ZC3H4: variants seen among roughly 807,000 people sequenced by gnomAD.
The protein encoded by ZC3H4 is zinc finger CCCH-type containing 4.
ZC3H4 carries 13 observed loss-of-function variants against 108.3 expected under a neutral mutation model. That is an observed-to-expected ratio of 0.12 (90% CI 0.08 to 0.19). The LOEUF (loss-of-function observed/expected upper bound fraction) is 0.19. Among genes scored for constraint, ZC3H4 ranks in the 10% least tolerant of loss-of-function variants. ZC3H4 has a pLI of 1.00. For missense variants in ZC3H4, 1,734 were observed against 1,838.8 expected, an observed-to-expected ratio of 0.94 and a Z score of 1.04; for synonymous variants, 917 against 749.6, an observed-to-expected ratio of 1.22 and a Z score of -3.65.
Position 47,100,940 on chromosome 19 carries a change from C to T in ZC3H4, c.162-6332G>A, listed in dbSNP as rs189158868. 5.4e-3 allele frequency among the ~76,000 whole-genome samples: 824 copies of T among 152,090 alleles called. 13 individuals carry two copies. Among genetic ancestry groups the T allele is most frequent in the African/African-American group, 0.019 (795 of 41,520 alleles). On this transcript the variant is annotated intron_variant, in intron 2 of 14. Coordinates refer to ENST00000253048, the MANE Select transcript of ZC3H4 (RefSeq NM_015168.2). ...CTCGAACTCCTGACCTCAGGTGATC[C>T]GCCTGCCTCAGCCTCCCAAAGTGCT...
intron 2 of ZC3H4, among the ~76,000 whole-genome samples, chr19:47,111,127 C>T (rs1335433169): frequency 6.6e-6 from 1 of 152,140 alleles, no homozygotes; most frequent in East Asian, 1.9e-4. Context: ...CTCTTCCCCT[C>T]TCCACCCCCA....
At position 47,069,047 on chromosome 19, in the gene ZC3H4, C is replaced by T. The variant is rs527790125; in HGVS notation, c.2398+45G>A. On this transcript the variant is annotated intron_variant, in intron 14 of 14. Coordinates refer to ENST00000253048, the MANE Select transcript of ZC3H4 (RefSeq NM_015168.2). ...ACCCCACCACCGCCGCTCCCCTGCA[C>T]AGCGGCCTGGGGCCTGTGCCCCGGC... 165 of 1,600,368 alleles carry T rather than the reference C, an allele frequency of 1.0e-4. No homozygotes were observed. The South Asian group carries it at 1.4e-3, about 14-fold the overall frequency.
chr19:47,092,748 T>A (rs1258244203), intron 4 of ZC3H4, among the ~76,000 whole-genome samples: 1 of 149,696 alleles, frequency 6.7e-6, no homozygotes, highest in Admixed American at 6.6e-5. Flanking sequence ...ACCAGAGAGG[T>A]GGAAGTTGCA....
In ZC3H4 at chr19:47,082,323, G is replaced by T. The variant is rs762374177; in HGVS notation, c.1219-28C>A. Reference sequence around the variant, plus strand: ...AGAAGAGAAGCAACAAAAACATAAGGTGGTGGCGTGGGAAGCTCTTGCTTA... The same window carrying T: ...AGAAGAGAAGCAACAAAAACATAAGTTGGTGGCGTGGGAAGCTCTTGCTTA... On this transcript the variant is annotated intron_variant, in intron 9 of 14. Coordinates refer to ENST00000253048, the MANE Select transcript of ZC3H4 (RefSeq NM_015168.2). The T allele has an allele frequency of 3.9e-6, 6 of 1,540,464 alleles. No individual in the cohort carries two copies. In the East Asian group the frequency reaches 1.1e-4, roughly 29 times the overall value.
At position 47,072,045 on chromosome 19, in the gene ZC3H4, G is replaced by T. The variant is rs1290429218; in HGVS notation, c.1879C>A (p.Pro627Thr). 9 of 1,586,074 alleles carry T rather than the reference G, an allele frequency of 5.7e-6. No homozygotes were observed. The highest frequency in any genetic ancestry group is 7.7e-6 in the Non-Finnish European group (9 of 1,165,950). Residue 627 changes from proline (P) to threonine (T), a missense_variant, in exon 13 of 15, where the codon CCA (proline) becomes ACA (threonine). Pro to Thr is a conservative substitution (Grantham distance 38). Coordinates refer to ENST00000253048, the MANE Select transcript of ZC3H4 (RefSeq NM_015168.2). The surrounding 1 kb of genome is among the most constrained non-coding windows in gnomAD (Gnocchi z 5.6). ...TCGGGGTGCATGTCAGGATGCATTGGACCGCCCATTGGCCCTGGGGGTCCC... is the reference window on the plus strand; with the variant it reads ...TCGGGGTGCATGTCAGGATGCATTGTACCGCCCATTGGCCCTGGGGGTCCC... The part of the protein sequence containing the change: ...NMGPPGPMGG[P>T]MHPDMHPDMH...
chr19:47,087,970 G>A (rs535169802), intron 5 of ZC3H4, among the ~76,000 whole-genome samples: 4 of 151,730 alleles, frequency 2.6e-5, no homozygotes, highest in South Asian at 2.1e-4. Flanking sequence ...TCAGGAGATC[G>A]AGACCATCCT....
At chr19:47,103,493 A>G (rs1245548173) in intron 2 of ZC3H4, among the ~76,000 whole-genome samples, 8 of 152,090 alleles carry the variant, frequency 5.3e-5, no homozygotes, top group African/African-American at 1.7e-4. Context: ...TTGTAGAGAC[A>G]GGGTTTCAGG....
intron 13 of ZC3H4, among the ~76,000 whole-genome samples, chr19:47,071,037 G>A (rs575277613): frequency 6.6e-6 from 1 of 152,180 alleles, no homozygotes; most frequent in Non-Finnish European, 1.5e-5. Context: ...TCCTCACGTT[G>A]TGAGTGCCGC....
intron 9 of ZC3H4, among the ~76,000 whole-genome samples, chr19:47,082,504 G>A (rs1438943994): frequency 6.6e-6 from 1 of 152,136 alleles, no homozygotes; most frequent in East Asian, 1.9e-4. Flanking sequence ...TGTAGAGACA[G>A]GTCTCACTAT....
intron 2 of ZC3H4, among the ~76,000 whole-genome samples, chr19:47,097,907 G>A (rs769855825): frequency 1.3e-5 from 2 of 152,132 alleles, no homozygotes; most frequent in Non-Finnish European, 2.9e-5. Flanking sequence ...GGCTGCACTC[G>A]GTCCGCTGCC....
intron 2 of ZC3H4, among the ~76,000 whole-genome samples, chr19:47,096,196 T>C (rs551527601): frequency 6.6e-6 from 1 of 152,290 alleles, no homozygotes; most frequent in East Asian, 1.9e-4. Flanking sequence ...GCCCCACAGA[T>C]ACCCCTGGGC....
intron 2 of ZC3H4, among the ~76,000 whole-genome samples, chr19:47,106,636 AC>A (rs1489962662): frequency 6.6e-6 from 1 of 152,184 alleles, no homozygotes; most frequent in Non-Finnish European, 1.5e-5. Flanking sequence ...AGCAGCAGCA[AC>A]CCTTTATCGT....
At position 47,082,226 on chromosome 19, in the gene ZC3H4, T is replaced by C. The variant is rs758075413; in HGVS notation, c.1288A>G (p.Thr430Ala). 8 of 1,613,900 alleles carry C rather than the reference T, an allele frequency of 5.0e-6. No individual in the cohort carries two copies. Among genetic ancestry groups the C allele is most frequent in the Non-Finnish European group, 8.5e-7 (1 of 1,179,924 alleles). Residue 430 changes from threonine (T) to alanine (A), a missense_variant, in exon 10 of 15, where the codon ACT becomes GCT. Thr to Ala is a moderately conservative substitution (Grantham distance 58, BLOSUM62 0). Around this residue, in one of 9 missense-constraint regions of ZC3H4, gnomAD observed 66 missense variants for 166.8 expected, o/e 0.40. Coordinates refer to ENST00000253048, the MANE Select transcript of ZC3H4 (RefSeq NM_015168.2). ...TTCTCAGCTCTGGCGCAAAATCCAG[T>C]GATGTAAAACTTGCACAGTTCTCGC... ...KKRELCKFYI[T>A]GFCARAENCP...
At chr19:47,070,580 G>A (rs2057308948) in intron 13 of ZC3H4, among the ~76,000 whole-genome samples, 1 of 152,168 alleles carries the variant, frequency 6.6e-6, no homozygotes, top group Non-Finnish European at 1.5e-5. Context: ...GGGAGGAGCT[G>A]AGAACCCCAG....
chr19:47,066,229 C>A lies in ZC3H4; in HGVS notation c.*127G>T, dbSNP rs772651632. On this transcript the variant is annotated 3_prime_UTR_variant, in exon 15 of 15. Transcript: ENST00000253048. ...AAAAAAAAATAAAAGAGACGGAAAG[C>A]AAAAGAAAAAGAAAAGAAAAAAGGA... is the stretch of plus-strand genomic sequence containing the variant. 2.4e-4 allele frequency: 170 copies of A among 698,514 alleles called. No individual in the cohort carries two copies. The highest frequency in any genetic ancestry group is 3.3e-4 in the Non-Finnish European group (149 of 458,252). The allele number at this position is 698,514 out of a possible 1,614,324, so 43.3% of individuals were successfully genotyped here. A position where few individuals can be genotyped will look rare whatever the true frequency, so the allele number is the denominator to read the frequency against.
intron 2 of ZC3H4, chr19:47,111,041 A>AC (rs1039428899): frequency 3.4e-5 from 16 of 474,722 alleles, no homozygotes; most frequent in African/African-American, 1.7e-4. Flanking sequence ...CCTGGCTGAG[A>AC]CCCCCCGGCT....
intron 2 of ZC3H4, among the ~76,000 whole-genome samples, chr19:47,109,487 T>C (rs549753528): frequency 2.4e-3 from 359 of 152,346 alleles, no homozygotes; most frequent in African/African-American, 8.3e-3. Flanking sequence ...GAAAGAATTT[T>C]ACAAAGGATG....
At chr19:47,081,484 C>T (rs2122835160) in intron 11 of ZC3H4, 29 bp downstream of exon 11, 1 of 1,595,912 alleles carries the variant, frequency 6.3e-7, no homozygotes, top group Non-Finnish European at 8.6e-7. Flanking sequence ...GTTCCTGTAG[C>T]CGGGGGCCCC....
At chr19:47,108,470 A>C (rs940818359) in intron 2 of ZC3H4, among the ~76,000 whole-genome samples, 6 of 152,198 alleles carry the variant, frequency 3.9e-5, no homozygotes, top group Non-Finnish European at 2.9e-5. Flanking sequence ...GGACCCTCAG[A>C]CAGCCATTTC....
Sources: allele counts gnomAD v4.1 joint callset (sites outside exome capture counted in the v4.1 genomes callset), GRCh38; gene constraint gnomAD v4.1.1; regional missense constraint gnomAD v4.1.1; non-coding constraint Gnocchi (gnomAD v3.1); transcripts MANE v1.5; gene names NCBI Gene and HGNC (gene_info 2026-07-23, HGNC 2026-07-21).